Variants in TRIM24 observed in about 807,000 individuals in gnomAD.
TRIM24 encodes the protein transcription intermediary factor 1-alpha.
TRIM24 carries 29 observed loss-of-function variants against 123.9 expected under a neutral mutation model. The ratio of observed to expected loss-of-function variants is 0.23; its 90% confidence interval spans 0.17 to 0.32. The LOEUF is 0.32. TRIM24 is among the 10% of genes least tolerant of loss of function. The probability of loss-of-function intolerance (pLI) is 1.00; values close to 1 mark genes in which losing one functional copy is unlikely to be tolerated. For synonymous variants in TRIM24, 456 were observed against 461.1 expected, an observed-to-expected ratio of 0.99 and a Z score of 0.14; for missense variants, 932 against 1,295.3, an observed-to-expected ratio of 0.72 and a Z score of 4.31.
chr7:138,530,073 C>T, intron 6 of TRIM24, among the ~76,000 whole-genome samples: 1 of 152,076 alleles, frequency 6.6e-6, no homozygotes, highest in East Asian at 1.9e-4. Flanking sequence ...TCTGGGAAAG[C>T]ATGGTCATTC....
chr7:138,489,596 C>G (rs547247374), intron 1 of TRIM24, among the ~76,000 whole-genome samples: 35 of 152,190 alleles, frequency 2.3e-4, no homozygotes, highest in African/African-American at 6.7e-4. Context: ...TTTATTTCTC[C>G]TTCACTTATC....
chr7:138,548,837 C>T (rs755144759), intron 7 of TRIM24, among the ~76,000 whole-genome samples: 1 of 152,140 alleles, frequency 6.6e-6, no homozygotes, highest in Non-Finnish European at 1.5e-5. Context: ...AAAACATACA[C>T]ATTAGCCTAG....
At chr7:138,515,465 T>A in intron 3 of TRIM24, 106 bp downstream of exon 3, 1 of 1,296,444 alleles carries the variant, frequency 7.7e-7, no homozygotes, top group Non-Finnish European at 1.0e-6. Context: ...GTATTAAATA[T>A]ACTGTTTTAA....
chr7:138,507,417 A>T (rs796830403), intron 2 of TRIM24, among the ~76,000 whole-genome samples: 1 of 148,738 alleles, frequency 6.7e-6, no homozygotes, highest in South Asian at 2.1e-4. Context: ...CTGGAGTGCA[A>T]TGGTGAGGTC....
chr7:138,568,898 AT>A lies in TRIM24; in HGVS notation c.1704+1248del, dbSNP rs768693703. ...TCCATTTTAATAAAATCATTTTAAT[AT>A]TTTATTCTAAAAGTATGTACACTCT... is the stretch of plus-strand genomic sequence containing the variant. On this transcript the variant is annotated intron_variant, in intron 10 of 18. Transcript: ENST00000343526. 4.6e-5 allele frequency among the ~76,000 whole-genome samples: 7 copies of A among 152,298 alleles called. No individual in the cohort carries two copies. In the East Asian group the frequency reaches 1.2e-3, roughly 25 times the overall value.
intron 1 of TRIM24, among the ~76,000 whole-genome samples, chr7:138,486,817 C>T (rs1006980069): frequency 6.6e-6 from 1 of 152,072 alleles, no homozygotes; most frequent in African/African-American, 2.4e-5. Flanking sequence ...CTTGGCAATG[C>T]GGGCTCTTTT....
intron 1 of TRIM24, among the ~76,000 whole-genome samples, chr7:138,467,236 A>G (rs928790106): frequency 3.9e-5 from 6 of 152,188 alleles, no homozygotes; most frequent in African/African-American, 9.7e-5. Context: ...TTTACATTTT[A>G]GAATCAGCTT....
At chr7:138,576,489 A>G (rs935236909) in intron 13 of TRIM24, 44 bp downstream of exon 13, 1 of 1,558,074 alleles carries the variant, frequency 6.4e-7, no homozygotes, top group African/African-American at 1.4e-5. Flanking sequence ...AAAATCTCTA[A>G]TTAGATTTCT....
At chr7:138,494,636 G>C (rs928931466) in intron 1 of TRIM24, among the ~76,000 whole-genome samples, 3 of 152,064 alleles carry the variant, frequency 2.0e-5, no homozygotes, top group Non-Finnish European at 4.4e-5. Flanking sequence ...AATAAGGAGT[G>C]TGTCAACTAA....
intron 1 of TRIM24, among the ~76,000 whole-genome samples, chr7:138,495,383 T>C (rs2116507862): frequency 6.6e-6 from 1 of 152,316 alleles, no homozygotes; most frequent in Middle Eastern, 3.4e-3. Flanking sequence ...CTGTTTCAAC[T>C]AATGCATCTT....
At chr7:138,559,811 T>G (rs2116646952) in intron 9 of TRIM24, among the ~76,000 whole-genome samples, 1 of 152,300 alleles carries the variant, frequency 6.6e-6, no homozygotes, top group African/African-American at 2.4e-5. Flanking sequence ...GATTACAGTA[T>G]GGGGCCCATC....
At chr7:138,509,230 T>C (rs1796232396) in intron 2 of TRIM24, among the ~76,000 whole-genome samples, 1 of 151,708 alleles carries the variant, frequency 6.6e-6, no homozygotes, top group African/African-American at 2.4e-5. Context: ...ATTACAAGTG[T>C]GAGCCACTGC....
intron 1 of TRIM24, among the ~76,000 whole-genome samples, chr7:138,462,392 G>A (rs1435069647): frequency 6.8e-6 from 1 of 148,140 alleles, no homozygotes; most frequent in Non-Finnish European, 1.5e-5. Context: ...CCAGGCTGGA[G>A]TGCAGTGGCG....
At chr7:138,512,331 A>G (rs1173049641) in intron 2 of TRIM24, among the ~76,000 whole-genome samples, 4 of 152,074 alleles carry the variant, frequency 2.6e-5, no homozygotes, top group Non-Finnish European at 4.4e-5. Context: ...CTTTCTTCTC[A>G]CAGCTCACTT....
chr7:138,501,482 T>C (rs924626357), intron 1 of TRIM24, among the ~76,000 whole-genome samples: 6 of 152,012 alleles, frequency 3.9e-5, no homozygotes, highest in African/African-American at 1.4e-4. Flanking sequence ...CTGCCCACCT[T>C]GGCTTCCCAA....
chr7:138,544,445 T>G (rs865940087), intron 7 of TRIM24, among the ~76,000 whole-genome samples: 1 of 152,176 alleles, frequency 6.6e-6, no homozygotes, highest in Non-Finnish European at 1.5e-5. Flanking sequence ...TTTTTCTATC[T>G]TGGCCATTGT....
intron 1 of TRIM24, among the ~76,000 whole-genome samples, chr7:138,466,300 G>C (rs1795135917): frequency 6.6e-6 from 1 of 151,828 alleles, no homozygotes; most frequent in Non-Finnish European, 1.5e-5. Context: ...TGGCCTGTCA[G>C]TCTGTTAAAT....
intron 6 of TRIM24, 130 bp from the exon 7 acceptor site, chr7:138,538,527 A>T: frequency 1.9e-6 from 2 of 1,046,332 alleles, no homozygotes; most frequent in Non-Finnish European, 1.4e-6. Context: ...TAGGGAAAAC[A>T]GAGTATTTTT....
intron 1 of TRIM24, among the ~76,000 whole-genome samples, chr7:138,496,338 T>G (rs1050071849): frequency 1.3e-5 from 2 of 152,234 alleles, no homozygotes; most frequent in Non-Finnish European, 1.5e-5. Context: ...TAGCTTTTTT[T>G]GGGAATGCTT....
Sources: gnomAD v4.1 joint callset for allele counts (sites outside exome capture counted in the v4.1 genomes callset) on GRCh38, gnomAD v4.1.1 for gene constraint, MANE v1.5 for transcripts, NCBI Gene and HGNC (gene_info 2026-07-23, HGNC 2026-07-21) for gene names.